The following CSMD3 variants were observed in gnomAD, a reference collection of about 807,000 sequenced individuals.
The protein encoded by CSMD3 is CUB and Sushi multiple domains 3.
In CSMD3, 177 loss-of-function variants were observed where a neutral mutation model predicts 435.2. That is an observed-to-expected ratio of 0.41 (90% confidence interval 0.36 to 0.46). CSMD3 has a LOEUF of 0.46. CSMD3 is among the 20% of genes least tolerant of loss of function. The probability of loss-of-function intolerance (pLI) is 0.34; values close to 1 mark genes in which losing one functional copy is unlikely to be tolerated. For missense variants in CSMD3, 4,265 were observed against 4,504.6 expected, an observed-to-expected ratio of 0.95 and a Z score of 1.52; for synonymous variants, 1,656 against 1,520.5, an observed-to-expected ratio of 1.09 and a Z score of -2.07.
At chr8:113,132,949 G>T (rs1450740665) in intron 4 of CSMD3, among the ~76,000 whole-genome samples, 3 of 152,086 alleles carry the variant, frequency 2.0e-5, no homozygotes, top group African/African-American at 7.2e-5. Flanking sequence ...AAAACATGAA[G>T]ATCATTCTGA....
intron 3 of CSMD3, among the ~76,000 whole-genome samples, chr8:113,220,493 G>C (rs952893590): frequency 2.1e-4 from 32 of 151,206 alleles, no homozygotes; most frequent in African/African-American, 7.5e-4. Context: ...AACTAGTAAA[G>C]TAATAATCAT....
At chr8:112,826,365 C>T (rs987408819) in intron 12 of CSMD3, among the ~76,000 whole-genome samples, 1 of 152,174 alleles carries the variant, frequency 6.6e-6, no homozygotes, top group Non-Finnish European at 1.5e-5. Flanking sequence ...CCACCCCTTC[C>T]CCTGAGAGCT....
At chr8:112,739,451 T>C (rs1315504120) in intron 13 of CSMD3, among the ~76,000 whole-genome samples, 1 of 151,796 alleles carries the variant, frequency 6.6e-6, no homozygotes, top group Non-Finnish European at 1.5e-5. Flanking sequence ...CCACAAATAG[T>C]TTTTACTGGT....
chr8:112,852,004 T>A (rs1467736204), intron 11 of CSMD3, among the ~76,000 whole-genome samples: 1 of 151,930 alleles, frequency 6.6e-6, no homozygotes, highest in Non-Finnish European at 1.5e-5. Context: ...AACAGAGCAG[T>A]GAGGGAGCCA....
At chr8:113,273,837 G>T (rs2093549051) in intron 3 of CSMD3, among the ~76,000 whole-genome samples, 1 of 151,950 alleles carries the variant, frequency 6.6e-6, no homozygotes, top group African/African-American at 2.4e-5. Flanking sequence ...AAACTATCAG[G>T]TATAGCTAAT....
chr8:112,281,311 T>A lies in CSMD3; in HGVS notation c.9371A>T (p.Lys3124Ile), dbSNP rs1393185603. Reference sequence around the variant, plus strand: ...TGTTGTGCCATCAATTCGGAAGACTTTCCCATTGGCTGTGGTTCCTGGGTT... The same window carrying A: ...TGTTGTGCCATCAATTCGGAAGACTATCCCATTGGCTGTGGTTCCTGGGTT... ...CGNPGTTANG[K>I]VFRIDGTTFS... The change falls in exon 59 of 71, where the codon AAA (lysine) becomes ATA (isoleucine). Residue 3124 changes from lysine (K) to isoleucine (I), a missense_variant. Around this residue, in one of 3 missense-constraint regions of CSMD3, gnomAD observed 3,255 missense variants for 3,380.2 expected, o/e 0.96. Coordinates refer to ENST00000297405, the MANE Select transcript of CSMD3 (RefSeq NM_198123.2). 1 of 1,613,442 alleles carries A rather than the reference T, an allele frequency of 6.2e-7. No individual in the cohort carries two copies. The highest frequency in any genetic ancestry group is 1.7e-5 in the Admixed American group (1 of 59,924).
At chr8:112,235,385 AAAAAAAC>A (rs1298263467) in intron 67 of CSMD3, among the ~76,000 whole-genome samples, 104 of 152,178 alleles carry the variant, frequency 6.8e-4, no homozygotes, top group Admixed American at 1.3e-3. Context: ...CTCTGCCTCA[AAAAAAAC>A]AAAAAACAAA....
chr8:112,575,405 A>G (rs1829859958), intron 23 of CSMD3, among the ~76,000 whole-genome samples: 1 of 152,028 alleles, frequency 6.6e-6, no homozygotes, highest in Admixed American at 6.6e-5. Context: ...GAGAATCTTA[A>G]GTTCAAGGCG....
chr8:112,956,178 A>G (rs1456470346), intron 7 of CSMD3, among the ~76,000 whole-genome samples: 1 of 152,024 alleles, frequency 6.6e-6, no homozygotes, highest in Non-Finnish European at 1.5e-5. Flanking sequence ...TTTCTCTTAA[A>G]TAAGCAGCTA....
intron 3 of CSMD3, among the ~76,000 whole-genome samples, chr8:113,261,923 C>T (rs1318505235): frequency 6.6e-6 from 1 of 151,990 alleles, no homozygotes; most frequent in Non-Finnish European, 1.5e-5. Context: ...TGCTCCCCTT[C>T]CTTATCTTCA....
chr8:113,387,103 T>G (rs2094442575), intron 1 of CSMD3, among the ~76,000 whole-genome samples: 1 of 151,756 alleles, frequency 6.6e-6, no homozygotes, highest in Admixed American at 6.6e-5. Context: ...TAAAAACAAA[T>G]GAAATGATGG....
chr8:112,321,106 C>T (rs1442593952), intron 45 of CSMD3, among the ~76,000 whole-genome samples: 1 of 151,834 alleles, frequency 6.6e-6, no homozygotes, highest in East Asian at 1.9e-4. Flanking sequence ...TAAAAATGTA[C>T]TATACTCATA....
At chr8:113,410,788 T>A (rs1299798291) in intron 1 of CSMD3, among the ~76,000 whole-genome samples, 1 of 151,062 alleles carries the variant, frequency 6.6e-6, no homozygotes, top group Non-Finnish European at 1.5e-5. Context: ...GCCTGTAGAC[T>A]CAGCTACTAT....
chr8:112,472,895 T>C (rs1379457107), intron 31 of CSMD3, among the ~76,000 whole-genome samples, 188 bp from the exon 32 acceptor site: 2 of 152,212 alleles, frequency 1.3e-5, no homozygotes, highest in Non-Finnish European at 2.9e-5. Flanking sequence ...CAAAACTTTA[T>C]AAGTATTCAA....
chr8:113,160,631 A>G (rs2092021527), intron 4 of CSMD3, among the ~76,000 whole-genome samples: 1 of 152,070 alleles, frequency 6.6e-6, no homozygotes, highest in South Asian at 2.1e-4. Flanking sequence ...GCCTATAAAT[A>G]AAAATAAAAC....
intron 5 of CSMD3, among the ~76,000 whole-genome samples, chr8:113,065,698 C>G (rs1434978419): frequency 6.6e-6 from 1 of 152,010 alleles, no homozygotes; most frequent in African/African-American, 2.4e-5. Flanking sequence ...AAAACAGCCT[C>G]ATGTTTTAAA....
intron 27 of CSMD3, among the ~76,000 whole-genome samples, chr8:112,531,196 C>A (rs147247677): frequency 3.9e-5 from 6 of 152,060 alleles, no homozygotes; most frequent in East Asian, 1.9e-4. Flanking sequence ...ACACAGCATG[C>A]GGCAGATCCC....
At chr8:112,616,682 A>T (rs1331854259) in intron 22 of CSMD3, among the ~76,000 whole-genome samples, 1 of 152,102 alleles carries the variant, frequency 6.6e-6, no homozygotes, top group Non-Finnish European at 1.5e-5. Context: ...GCGTAATGTC[A>T]GTTCCCTGAA....
At chr8:112,830,349 T>A (rs929174502) in intron 11 of CSMD3, among the ~76,000 whole-genome samples, 1 of 152,072 alleles carries the variant, frequency 6.6e-6, no homozygotes, top group Non-Finnish European at 1.5e-5. Flanking sequence ...TATATTAAAA[T>A]GAGCGGCAAA....
Sources: gnomAD v4.1 joint callset for allele counts (sites outside exome capture counted in the v4.1 genomes callset) on GRCh38, gnomAD v4.1.1 for gene constraint, gnomAD v4.1.1 regional missense constraint, MANE v1.5 for transcripts, NCBI Gene and HGNC (gene_info 2026-07-23, HGNC 2026-07-21) for gene names.